Variants in ZNF410 observed in about 807,000 individuals in gnomAD.
The protein encoded by ZNF410 is another partner for ARF 1.
Under a neutral mutation model 54.8 loss-of-function variants are expected in ZNF410, and 18 were observed. That is an observed-to-expected ratio of 0.33 (90% CI 0.23 to 0.49). The LOEUF is 0.49. ZNF410 is among the 20% of genes least tolerant of loss of function. The probability of loss-of-function intolerance (pLI) is 0.99; values close to 1 mark genes in which losing one functional copy is unlikely to be tolerated. For synonymous variants in ZNF410, 191 were observed against 207.3 expected (o/e 0.92, Z 0.68); for missense variants, 405 against 569.6 (o/e 0.71, Z 2.94).
At chr14:73,902,301 C>T (rs2055420854) in intron 5 of ZNF410, 1 of 152,014 alleles carries the variant, frequency 6.6e-6, no homozygotes, top group African/African-American at 2.4e-5. Flanking sequence ...TCTGGATCTC[C>T]TGACCTCATG....
At chr14:73,918,634 A>G (rs1316637427) in intron 8 of ZNF410, among the ~76,000 whole-genome samples, 2 of 144,682 alleles carry the variant, frequency 1.4e-5, no homozygotes, top group African/African-American at 2.6e-5. Context: ...CCTGGCAACC[A>G]TTAATCTGCT....
Position 73,923,516 on chromosome 14 carries a change from AC to A in ZNF410, c.1393del (p.Gln465LysfsTer4), listed in dbSNP as rs1566666171. The A allele has an allele frequency of 2.5e-6, 4 of 1,612,776 alleles. No individual in the cohort carries two copies. The highest frequency in any genetic ancestry group is 1.1e-5 in the South Asian group (1 of 90,658). On this transcript the variant is annotated frameshift_variant, in exon 11 of 12. Coordinates refer to ENST00000555044, the MANE Select transcript of ZNF410 (RefSeq NM_021188.3). LOFTEE classifies it high-confidence loss of function. ...TTTCTGTCTTAACTGCAGTAAATCC[AC>A]AAGAGGTAAAGTGGTCTCTTGCCCT... ...EVSVLTAVNP[Q>X]ELLNQGDLTE...
intron 5 of ZNF410, among the ~76,000 whole-genome samples, chr14:73,900,208 A>C (rs1160078930): frequency 6.6e-6 from 1 of 151,884 alleles, no homozygotes; most frequent in Non-Finnish European, 1.5e-5. Context: ...AAAAAAAAAA[A>C]ATCACCCCAA....
intron 9 of ZNF410, 52 bp from the exon 10 acceptor site, chr14:73,922,014 C>T (rs1022991392): frequency 8.2e-6 from 13 of 1,584,672 alleles, no homozygotes; most frequent in African/African-American, 2.7e-5. Flanking sequence ...AAAATGAGGA[C>T]CAGGCACAGC....
chr14:73,925,994 A>G (rs921168326), intron 11 of ZNF410, among the ~76,000 whole-genome samples: 1 of 152,192 alleles, frequency 6.6e-6, no homozygotes, highest in Non-Finnish European at 1.5e-5. Context: ...TGACTGTGCC[A>G]CTGTACTCCA....
intron 5 of ZNF410, 184 bp downstream of exon 5, chr14:73,898,446 A>C: frequency 1.5e-6 from 1 of 666,502 alleles, no homozygotes; most frequent in Non-Finnish European, 2.5e-6. Flanking sequence ...TTTGTGTTCA[A>C]AACCAACTAG....
At chr14:73,926,839 C>G (rs146967979) in intron 11 of ZNF410, among the ~76,000 whole-genome samples, 303 of 152,294 alleles carry the variant, frequency 2.0e-3, no homozygotes, top group African/African-American at 7.0e-3. Context: ...TTCCTAAAAA[C>G]TGGTAGTTAC....
intron 11 of ZNF410, among the ~76,000 whole-genome samples, chr14:73,930,690 A>C (rs975349740): frequency 2.0e-5 from 3 of 151,720 alleles, no homozygotes; most frequent in South Asian, 2.1e-4. Flanking sequence ...GCACCCTTGA[A>C]CTCCTGGGCT....
intron 2 of ZNF410, 35 bp from the exon 3 acceptor site, chr14:73,893,762 C>G: frequency 6.3e-7 from 1 of 1,575,826 alleles, no homozygotes; most frequent in Non-Finnish European, 8.6e-7. Context: ...TTTCTAACAA[C>G]TCGTATTTCT....
intron 8 of ZNF410, among the ~76,000 whole-genome samples, chr14:73,918,686 CTTT>C (rs71115932): frequency 0.017 from 1,247 of 74,430 alleles, 22 homozygotes; most frequent in African/African-American, 0.058. Flanking sequence ...TTCATATGGC[CTTT>C]TTTTTTTTTT....
chr14:73,898,060 GTT>G lies in ZNF410; in HGVS notation c.389-9_389-8del. On this transcript the variant is annotated splice_polypyrimidine_tract_variant and intron_variant, in intron 4 of 11. Coordinates refer to ENST00000555044, the MANE Select transcript of ZNF410 (RefSeq NM_021188.3). ...TGGTTTCTAACTTTTCATATATTTT[GTT>G]TCTTCCAGGTCTGGGCTCTTCAGCT... The G allele has an allele frequency of 6.3e-7, 1 of 1,584,216 alleles. No homozygotes were observed. Among genetic ancestry groups the G allele is most frequent in the Non-Finnish European group, 8.6e-7 (1 of 1,163,192 alleles).
chr14:73,923,873 G>C (rs571595605), intron 11 of ZNF410, among the ~76,000 whole-genome samples: 12 of 152,156 alleles, frequency 7.9e-5, no homozygotes, highest in Non-Finnish European at 1.3e-4. Flanking sequence ...CACCTGTTAA[G>C]TTATTCAGAG....
rs188090564 is a variant in ZNF410, at chr14:73,923,429, T to G, written c.1305T>G (p.Ser435=). 1.1e-4 allele frequency: 183 copies of G among 1,614,010 alleles called. 5 individuals are homozygous for G. In the East Asian group the frequency reaches 4.0e-3, roughly 35 times the overall value. ...VLAEGSPRSL[S]SVPDVTHHLV... ...CTGAAGGATCCCCACGTTCCCTGTC[T>G]TCAGTGCCTGATGTGACACATCACC... The change falls in exon 11 of 12, where the codon TCT becomes TCG. Residue 435 remains serine, a synonymous_variant. Coordinates refer to ENST00000555044, the MANE Select transcript of ZNF410 (RefSeq NM_021188.3).
At chr14:73,901,605 C>A (rs978246249) in intron 5 of ZNF410, among the ~76,000 whole-genome samples, 2 of 151,426 alleles carry the variant, frequency 1.3e-5, no homozygotes, top group African/African-American at 4.9e-5. Flanking sequence ...TCCAGAAAGC[C>A]CCTACTATCA....
In ZNF410 at chr14:73,921,114, G is replaced by A. The variant is rs1413924413; in HGVS notation, c.1129+9G>A. The A allele has an allele frequency of 6.2e-7, 1 of 1,613,592 alleles. No homozygotes were observed. Among genetic ancestry groups the A allele is most frequent in the East Asian group, 2.2e-5 (1 of 44,878 alleles). On this transcript the variant is annotated intron_variant, in intron 9 of 11. Transcript: ENST00000555044. Reference sequence around the variant, plus strand: ...AGAGCAGGAGCAAACTGGTGAGGAGGGTGGGCATAGTGGAACGCTGTACTA... The same window carrying A: ...AGAGCAGGAGCAAACTGGTGAGGAGAGTGGGCATAGTGGAACGCTGTACTA...
At chr14:73,895,664 C>T (rs2055306252) in intron 3 of ZNF410, among the ~76,000 whole-genome samples, 2 of 152,076 alleles carry the variant, frequency 1.3e-5, no homozygotes, top group South Asian at 4.1e-4. Context: ...CCTCCCAGCT[C>T]ATAAAACACA....
intron 10 of ZNF410, 121 bp from the exon 11 acceptor site, chr14:73,923,274 A>G: frequency 1.7e-6 from 2 of 1,153,644 alleles, no homozygotes; most frequent in Non-Finnish European, 2.4e-6. Flanking sequence ...CTTGGAAGAA[A>G]TAGAGGAATG....
intron 3 of ZNF410, among the ~76,000 whole-genome samples, chr14:73,894,674 G>T (rs532353162): frequency 6.6e-6 from 1 of 152,016 alleles, no homozygotes; most frequent in Non-Finnish European, 1.5e-5. Context: ...TGATCAGTCC[G>T]CCTTGGCCTC....
intron 5 of ZNF410, among the ~76,000 whole-genome samples, chr14:73,901,073 T>C (rs62003718): frequency 0.49 from 74,531 of 152,114 alleles, 18,484 homozygotes; most frequent in South Asian, 0.61. Context: ...TTTCAGAGCA[T>C]GTTATCTTCA....
Sources: gnomAD v4.1 joint callset for allele counts (sites outside exome capture counted in the v4.1 genomes callset) on GRCh38, gnomAD v4.1.1 for gene constraint, MANE v1.5 for transcripts, NCBI Gene and HGNC (gene_info 2026-07-23, HGNC 2026-07-21) for gene names.